The following PCDH11X variants were observed in gnomAD, a reference collection of about 807,000 sequenced individuals.
PCDH11X encodes the protein protocadherin 11 X-linked.
Under a neutral mutation model 53.3 loss-of-function variants are expected in PCDH11X, and 18 were observed. That is an observed-to-expected ratio of 0.34 (90% CI 0.23 to 0.50). The LOEUF (loss-of-function observed/expected upper bound fraction) is 0.50, where lower values mean the gene tolerates loss of function less well. Among genes scored for constraint, PCDH11X ranks in the 20% least tolerant of loss-of-function variants. The probability of loss-of-function intolerance (pLI) is 0.98; values close to 1 mark genes in which losing one functional copy is unlikely to be tolerated. For synonymous variants in PCDH11X, 279 were observed against 393.3 expected, an observed-to-expected ratio of 0.71 and a Z score of 3.44; for missense variants, 570 against 1,032.4, an observed-to-expected ratio of 0.55 and a Z score of 6.14.
chrX:91,883,976 G>A, intron 6 of PCDH11X: 8 of 633,565 alleles, frequency 1.3e-5, no homozygotes, highest in Non-Finnish European at 1.3e-5. Flanking sequence ...GATCACCTGA[G>A]GTCAGGAGTT....
At chrX:92,274,833 C>A (rs183683781) in intron 8 of PCDH11X, among the ~76,000 whole-genome samples, 6 of 109,588 alleles carry the variant, frequency 5.5e-5, no homozygotes, top group Non-Finnish European at 1.1e-4. Context: ...ATAAATCAAG[C>A]ATGATCAGGG....
intron 4 of PCDH11X, among the ~76,000 whole-genome samples, chrX:91,822,792 C>T (rs1230273593): frequency 9.0e-6 from 1 of 111,569 alleles, no homozygotes; most frequent in Non-Finnish European, 1.9e-5. Flanking sequence ...ATCTTTCCTG[C>T]TTTCTCTTGT....
intron 8 of PCDH11X, among the ~76,000 whole-genome samples, chrX:92,354,989 T>G (rs1174502618): frequency 1.8e-5 from 2 of 109,684 alleles, no homozygotes; most frequent in African/African-American, 6.7e-5. Context: ...TTGAAATAAA[T>G]AGTCCCCATT....
intron 6 of PCDH11X, among the ~76,000 whole-genome samples, chrX:92,121,128 C>T (rs1374790909): frequency 1.8e-5 from 2 of 108,892 alleles, no homozygotes; most frequent in East Asian, 6.0e-4. Context: ...ATCATAGCTT[C>T]TAAAATTTTT....
chrX:92,398,923 T>C (rs935911037), intron 9 of PCDH11X, among the ~76,000 whole-genome samples: 3 of 111,048 alleles, frequency 2.7e-5, no homozygotes, highest in African/African-American at 9.9e-5. Flanking sequence ...CCGGGCGTGG[T>C]GGCTCACGCC....
chrX:92,379,668 G>C lies in PCDH11X; in HGVS notation c.3145-8067G>C, dbSNP rs372499893. The stretch of plus-strand genomic sequence containing the variant: ...GTTGGCCAGTTCCTCAGACCAGAGT[G>C]AGAATGCGTGCTTTTTCTGGCCTGC... On this transcript the variant is annotated intron_variant, in intron 8 of 10. Transcript: ENST00000682573. Among the ~76,000 whole-genome samples, 43 of 109,120 alleles carry C rather than the reference G, an allele frequency of 3.9e-4. No individual in the cohort carries two copies. The East Asian group carries it at 0.011, about 29-fold the overall frequency. 94.8% of individuals were successfully genotyped at this position (109,120 alleles called of 115,157 possible).
At chrX:92,078,450 T>G (rs1476389956) in intron 6 of PCDH11X, among the ~76,000 whole-genome samples, 1 of 111,327 alleles carries the variant, frequency 9.0e-6, no homozygotes, top group African/African-American at 3.3e-5. Flanking sequence ...TAAGTTTTCT[T>G]GAAACACGCT....
intron 6 of PCDH11X, among the ~76,000 whole-genome samples, chrX:92,037,281 C>T (rs1183535630): frequency 2.7e-5 from 3 of 109,464 alleles, no homozygotes; most frequent in African/African-American, 1.0e-4. Context: ...CATTGTTCAA[C>T]TCCCACTTAT....
At chrX:92,461,117 C>A (rs1437704730) in intron 9 of PCDH11X, among the ~76,000 whole-genome samples, 2 of 108,078 alleles carry the variant, frequency 1.9e-5, no homozygotes, top group Admixed American at 9.9e-5. Context: ...TTTGAAAAAT[C>A]TATATTGTTA....
intron 8 of PCDH11X, among the ~76,000 whole-genome samples, chrX:92,336,392 G>A (rs1405501922): frequency 9.0e-6 from 1 of 111,202 alleles, no homozygotes; most frequent in African/African-American, 3.3e-5. Context: ...GAAAACCAGA[G>A]GTAGTCCATG....
chrX:92,375,045 G>T (rs1403397277), intron 8 of PCDH11X, among the ~76,000 whole-genome samples: 1 of 98,884 alleles, frequency 1.0e-5, no homozygotes, highest in Non-Finnish European at 2.0e-5. Context: ...TGCAGTTAAT[G>T]AAAATTTATC....
rs1364614556 is a variant in PCDH11X at position 92,018,563 on chromosome X, A to G, written c.3033+139290A>G. Among the ~76,000 whole-genome samples, 3 of 112,275 alleles carry G rather than the reference A, an allele frequency of 2.7e-5. No individual in the cohort carries two copies. In the East Asian group the frequency reaches 8.4e-4, roughly 32 times the overall value. The stretch of plus-strand genomic sequence containing the variant: ...ATGAATACAGCCTCTCAGGACAGCT[A>G]TCTGGAAATTAATGGCATTTGTCTA... On this transcript the variant is annotated intron_variant, in intron 6 of 10. Transcript: ENST00000682573.
At chrX:91,855,144 G>C (rs1306326060) in intron 5 of PCDH11X, among the ~76,000 whole-genome samples, 5 of 111,860 alleles carry the variant, frequency 4.5e-5, no homozygotes, top group Non-Finnish European at 5.6e-5. Flanking sequence ...TTAAATTTAA[G>C]TATTTACTCC....
intron 6 of PCDH11X, among the ~76,000 whole-genome samples, chrX:92,191,608 G>A (rs2066194463): frequency 8.9e-6 from 1 of 112,021 alleles, no homozygotes; most frequent in Non-Finnish European, 1.9e-5. Flanking sequence ...GTTCATTATT[G>A]GGTTATTGAC....
At chrX:92,066,858 C>T (rs34323535) in intron 6 of PCDH11X, among the ~76,000 whole-genome samples, 1 of 112,440 alleles carries the variant, frequency 8.9e-6, no homozygotes, top group African/African-American at 3.2e-5. Flanking sequence ...AATCCCAGCA[C>T]TTTGGGAGGC....
At chrX:92,096,394 C>T (rs1257064865) in intron 6 of PCDH11X, among the ~76,000 whole-genome samples, 1 of 107,864 alleles carries the variant, frequency 9.3e-6, no homozygotes, top group African/African-American at 3.4e-5. Flanking sequence ...AATGAATAGA[C>T]AAGTTTATAC....
At chrX:92,118,612 C>A (rs996822511) in intron 6 of PCDH11X, among the ~76,000 whole-genome samples, 1 of 109,857 alleles carries the variant, frequency 9.1e-6, no homozygotes, top group Non-Finnish European at 1.9e-5. Context: ...AGTATAAACA[C>A]GTATCTTTTA....
intron 6 of PCDH11X, among the ~76,000 whole-genome samples, chrX:92,025,630 G>GT (rs745570009): frequency 1.1e-5 from 1 of 92,659 alleles, no homozygotes; most frequent in Non-Finnish European, 2.1e-5. Flanking sequence ...TTCAACCATT[G>GT]TGTAAGACAG....
At chrX:92,275,254 C>T (rs59501463) in intron 8 of PCDH11X, among the ~76,000 whole-genome samples, 9,001 of 102,284 alleles carry the variant, frequency 0.088, 462 homozygotes, top group South Asian at 0.24. Context: ...ATTCTGACCG[C>T]ACTAACCATG....
Sources: gnomAD v4.1 joint callset for allele counts (sites outside exome capture counted in the v4.1 genomes callset) on GRCh38, gnomAD v4.1.1 for gene constraint, MANE v1.5 for transcripts, NCBI Gene and HGNC (gene_info 2026-07-23, HGNC 2026-07-21) for gene names.